The following ANO2 variants were observed in gnomAD, a reference collection of about 807,000 sequenced individuals.
The protein encoded by ANO2 is anoctamin 2, also known as anoctamin-2.
A neutral mutation model predicts 124.2 loss-of-function variants in ANO2; 101 were observed. The observed-to-expected ratio is 0.81, with a 90% CI of 0.69 to 0.96. ANO2 has a LOEUF of 0.96. Among genes scored for constraint, ANO2 ranks in the 40% least tolerant of loss-of-function variants. The pLI is 0.00. For synonymous variants in ANO2, 486 were observed against 482.5 expected (o/e 1.01, Z -0.09); for missense variants, 1,293 against 1,274.5 (o/e 1.01, Z -0.22).
At chr12:5,664,090 A>G (rs1947580387) in intron 14 of ANO2, among the ~76,000 whole-genome samples, 1 of 152,234 alleles carries the variant, frequency 6.6e-6, no homozygotes, top group Admixed American at 6.5e-5. Context: ...AAATTCATAC[A>G]TGAGTGCTTA....
At position 5,899,234 on chromosome 12, in the gene ANO2, A is replaced by G. The variant is rs78447104; in HGVS notation, c.534+21806T>C. ...TCATTGTCATTCCTAATCACACCTCAGAGGACTAGAGACTTCATCTTATTA... is the reference window on the plus strand; with the variant it reads ...TCATTGTCATTCCTAATCACACCTCGGAGGACTAGAGACTTCATCTTATTA... On this transcript the variant is annotated intron_variant, in intron 3 of 24. Transcript: ENST00000682330. Among the ~76,000 whole-genome samples, 823 of 152,308 alleles carry G rather than the reference A, an allele frequency of 5.4e-3. 6 individuals are homozygous for G. The highest frequency in any genetic ancestry group is 0.019 in the African/African-American group (799 of 41,556).
At chr12:5,581,822 C>A (rs376717560) in intron 20 of ANO2, among the ~76,000 whole-genome samples, 1 of 152,152 alleles carries the variant, frequency 6.6e-6, no homozygotes, top group African/African-American at 2.4e-5. Context: ...GTATCCTGAG[C>A]CAAGAACAGG....
chr12:5,628,680 G>A (rs1448459485), intron 16 of ANO2, among the ~76,000 whole-genome samples: 1 of 151,888 alleles, frequency 6.6e-6, no homozygotes, highest in Non-Finnish European at 1.5e-5. Context: ...GTGTGTGTGT[G>A]TGTGTGTGCG....
At chr12:5,706,946 C>T (rs1043049822) in intron 14 of ANO2, among the ~76,000 whole-genome samples, 1 of 152,206 alleles carries the variant, frequency 6.6e-6, no homozygotes, top group African/African-American at 2.4e-5. Flanking sequence ...GATTCTACTC[C>T]CAACTTCTGC....
At chr12:5,684,079 C>A (rs573658621) in intron 14 of ANO2, among the ~76,000 whole-genome samples, 1 of 152,324 alleles carries the variant, frequency 6.6e-6, no homozygotes, top group East Asian at 1.9e-4. Context: ...ACTGCAGTCA[C>A]AGGCAAGGCA....
chr12:5,656,587 A>C (rs1229970062), intron 14 of ANO2, among the ~76,000 whole-genome samples: 1 of 151,938 alleles, frequency 6.6e-6, no homozygotes, highest in Non-Finnish European at 1.5e-5. Flanking sequence ...TTCCCCACCC[A>C]CTGTACCTAT....
upstream of ANO2, chr12:5,945,353 C>G (rs530861637): frequency 1.3e-5 from 12 of 914,894 alleles, no homozygotes; most frequent in African/African-American, 1.1e-4. Flanking sequence ...CCTCCTCCCC[C>G]ATCCCTCCCG....
At chr12:5,844,910 A>G (rs1243495494) in intron 4 of ANO2, among the ~76,000 whole-genome samples, 1 of 151,120 alleles carries the variant, frequency 6.6e-6, no homozygotes, top group African/African-American at 2.4e-5. Context: ...CTGTCCTGGT[A>G]AATTGTAATC....
At chr12:5,819,402 G>T (rs1171442010) in intron 7 of ANO2, among the ~76,000 whole-genome samples, 1 of 152,212 alleles carries the variant, frequency 6.6e-6, no homozygotes, top group Admixed American at 6.5e-5. Context: ...AAGGAACATA[G>T]AGTTGGATCA....
chr12:5,612,899 G>C lies in ANO2; in HGVS notation c.1986+2C>G. ...GCATGAAACACCAGTGGCTGTACTT[G>C]CCTCTTCCATGCGGTAACCATCGAA... On this transcript the variant is annotated splice_donor_variant, in intron 18 of 24. Transcript: ENST00000682330. LOFTEE classifies it high-confidence loss of function. 3 of 1,613,944 alleles carry C rather than the reference G, an allele frequency of 1.9e-6. No individual in the cohort carries two copies. The highest frequency in any genetic ancestry group is 2.5e-6 in the Non-Finnish European group (3 of 1,179,844).
chr12:5,881,890 T>C (rs1469324856), intron 3 of ANO2: 2 of 152,208 alleles, frequency 1.3e-5, no homozygotes, highest in African/African-American at 4.8e-5. Flanking sequence ...AAATTAGTGA[T>C]TTCAATCATG....
Position 5,636,252 on chromosome 12 carries a change from C to A in ANO2, c.1621-905G>T, listed in dbSNP as rs1245861436. Among the ~76,000 whole-genome samples, 2 of 152,242 alleles carry A rather than the reference C, an allele frequency of 1.3e-5. No individual in the cohort carries two copies. The highest frequency in any genetic ancestry group is 3.4e-3 in the Middle Eastern group (1 of 294). Reference sequence around the variant, plus strand: ...ACAGCCCCTCTTCCTTCTTCTGTCCCCACGTCCCCTCCTGTCCCCATCGCA... The same window carrying A: ...ACAGCCCCTCTTCCTTCTTCTGTCCACACGTCCCCTCCTGTCCCCATCGCA... On this transcript the variant is annotated intron_variant, in intron 15 of 24. Transcript: ENST00000682330. The surrounding 1 kb of genome is among the most constrained non-coding windows in gnomAD (Gnocchi z 4.6).
At chr12:5,795,740 G>A (rs997341998) in intron 10 of ANO2, among the ~76,000 whole-genome samples, 9 of 152,178 alleles carry the variant, frequency 5.9e-5, no homozygotes, top group African/African-American at 1.9e-4. Context: ...CCTGGGAGCA[G>A]ATATTAACTT....
At chr12:5,879,170 G>A (rs575123010) in intron 3 of ANO2, among the ~76,000 whole-genome samples, 1 of 152,308 alleles carries the variant, frequency 6.6e-6, no homozygotes, top group African/African-American at 2.4e-5. Context: ...CAGGGTCAGA[G>A]CTAAGGAGCC....
At chr12:5,897,325 T>G (rs975153239) in intron 3 of ANO2, among the ~76,000 whole-genome samples, 5 of 151,244 alleles carry the variant, frequency 3.3e-5, no homozygotes, top group Non-Finnish European at 7.4e-5. Flanking sequence ...TTAAGGAAGC[T>G]AAGAACTAAA....
At chr12:5,613,752 T>A (rs1944661265) in intron 17 of ANO2, among the ~76,000 whole-genome samples, 1 of 152,214 alleles carries the variant, frequency 6.6e-6, no homozygotes, top group Non-Finnish European at 1.5e-5. Context: ...CTGGATAGAA[T>A]CACTTACTGG....
chr12:5,920,812 A>T (rs1348267924), intron 3 of ANO2, among the ~76,000 whole-genome samples: 1 of 152,146 alleles, frequency 6.6e-6, no homozygotes, highest in Non-Finnish European at 1.5e-5. Flanking sequence ...GCTTGAAGTG[A>T]GCCAAGATCA....
rs1555100751 is a variant in ANO2 at position 5,610,983 on chromosome 12, T to TTTTTTTTGCTTTTTTTTTTG, written c.2087+1672_2087+1673insCAAAAAAAAAAGCAAAAAAA. ...AACAAACTTCTCTGCTTTTTTTTTT[T>TTTTTTTTGCTTTTTTTTTTG]TTTTTTGAGACAGAGTCTTGCTCTG... On this transcript the variant is annotated intron_variant, in intron 19 of 24. Coordinates refer to ENST00000682330, the MANE Select transcript of ANO2 (RefSeq NM_001364791.2). Among the ~76,000 whole-genome samples, 567 of 121,666 alleles carry TTTTTTTTGCTTTTTTTTTTG rather than the reference T, an allele frequency of 4.7e-3. 43 individuals carry two copies. The highest frequency in any genetic ancestry group is 0.014 in the African/African-American group (445 of 32,398). The allele number at this position is 121,666 out of a possible 152,430, so 79.8% of individuals were successfully genotyped here. A position where few individuals can be genotyped will look rare whatever the true frequency, so the allele number is the denominator to read the frequency against.
At chr12:5,704,777 G>A (rs1230197164) in intron 14 of ANO2, among the ~76,000 whole-genome samples, 2 of 151,788 alleles carry the variant, frequency 1.3e-5, no homozygotes, top group Admixed American at 1.3e-4. Flanking sequence ...TATTTTCTAA[G>A]CTTTCTGACG....
Sources: gnomAD v4.1 joint callset for allele counts (sites outside exome capture counted in the v4.1 genomes callset) on GRCh38, gnomAD v4.1.1 for gene constraint, Gnocchi (gnomAD v3.1) non-coding constraint, MANE v1.5 for transcripts, NCBI Gene and HGNC (gene_info 2026-07-23, HGNC 2026-07-21) for gene names.